Variants in MRTFB observed in about 807,000 individuals in gnomAD.
MRTFB encodes the protein myocardin related transcription factor B, also known as myocardin-related transcription factor B.
A neutral mutation model predicts 104.2 loss-of-function variants in MRTFB; 29 were observed. The ratio of observed to expected loss-of-function variants is 0.28; its 90% CI spans 0.21 to 0.38. The LOEUF (loss-of-function observed/expected upper bound fraction) is 0.38, where lower values mean the gene tolerates loss of function less well. Among genes scored for constraint, MRTFB ranks in the 10% least tolerant of loss-of-function variants. The pLI is 1.00. For missense variants in MRTFB, 1,270 were observed against 1,341.6 expected (o/e 0.95, Z 0.83); for synonymous variants, 535 against 519.5 (o/e 1.03, Z -0.41).
chr16:14,139,126 A>G (rs1197176420), intron 2 of MRTFB, among the ~76,000 whole-genome samples: 1 of 152,226 alleles, frequency 6.6e-6, no homozygotes, highest in Non-Finnish European at 1.5e-5. Flanking sequence ...TATTAAGAAC[A>G]TACAAAATAG....
intron 3 of MRTFB, among the ~76,000 whole-genome samples, chr16:14,180,966 C>G (rs1368211451): frequency 1.3e-5 from 2 of 152,126 alleles, no homozygotes; most frequent in Non-Finnish European, 2.9e-5. Flanking sequence ...AATCTTATTA[C>G]CCTAGAAAGG....
chr16:14,202,683 T>C (rs747297538), intron 3 of MRTFB, among the ~76,000 whole-genome samples: 3 of 152,246 alleles, frequency 2.0e-5, no homozygotes, highest in Non-Finnish European at 2.9e-5. Context: ...TTTAAACATT[T>C]ATTTTTAAGA....
At chr16:14,248,899 T>G (rs765647310) in intron 12 of MRTFB, 27 bp from the exon 13 acceptor site, 1 of 1,608,290 alleles carries the variant, frequency 6.2e-7, no homozygotes, top group Admixed American at 1.7e-5. Flanking sequence ...ACAATTAAAT[T>G]GATGTTTTTT....
intron 8 of MRTFB, among the ~76,000 whole-genome samples, chr16:14,223,469 A>C (rs549862778): frequency 2.0e-5 from 3 of 152,174 alleles, no homozygotes; most frequent in African/African-American, 7.2e-5. Context: ...GAAAACATGG[A>C]CAACAAACTA....
In MRTFB at chr16:14,097,577, T is replaced by C. The variant is rs561395231; in HGVS notation, c.-64+18223T>C. Among the ~76,000 whole-genome samples, 30 of 152,360 alleles carry C rather than the reference T, an allele frequency of 2.0e-4. No homozygotes were observed. The South Asian group carries it at 2.3e-3, about 12-fold the overall frequency. ...ACTGTTCTTTTTGTAAACAGCTTTA[T>C]TGAGGTATAATTGGCATCCAGTAAA... On this transcript the variant is annotated intron_variant, in intron 2 of 16. Coordinates refer to ENST00000571589, the MANE Select transcript of MRTFB (RefSeq NM_001308142.2).
At chr16:14,018,147 A>G in the MRTFB span, among the ~76,000 whole-genome samples, 14 of 152,128 alleles carry the variant, frequency 9.2e-5, no homozygotes, top group African/African-American at 3.4e-4. Flanking sequence ...CTCTAGGATA[A>G]TAACCCCTCT....
intron 2 of MRTFB, among the ~76,000 whole-genome samples, chr16:14,100,248 C>G (rs1279872916): frequency 6.6e-6 from 1 of 152,136 alleles, no homozygotes; most frequent in Non-Finnish European, 1.5e-5. Flanking sequence ...TTATTGTGGA[C>G]TCCTTTATCA....
At chr16:14,139,217 A>G (rs1252939486) in intron 2 of MRTFB, among the ~76,000 whole-genome samples, 1 of 152,224 alleles carries the variant, frequency 6.6e-6, no homozygotes, top group Non-Finnish European at 1.5e-5. Flanking sequence ...TGAAAACTCA[A>G]TAATAAGAAA....
At chr16:14,127,930 T>TATATATATATATATATATA (rs1491428460) in intron 2 of MRTFB, among the ~76,000 whole-genome samples, 4 of 31,662 alleles carry the variant, frequency 1.3e-4, no homozygotes, top group African/African-American at 5.4e-4. Flanking sequence ...TATATATATA[T>TATATATATATATATATATA]TTTTTTTTTT....
chr16:14,173,034 A>T (rs189430789), intron 3 of MRTFB, among the ~76,000 whole-genome samples: 11 of 152,094 alleles, frequency 7.2e-5, no homozygotes, highest in African/African-American at 2.2e-4. Flanking sequence ...AATCCCATCA[A>T]TATTTATTCA....
chr16:14,040,975 G>A, the MRTFB span, among the ~76,000 whole-genome samples: 1 of 151,990 alleles, frequency 6.6e-6, no homozygotes, highest in Non-Finnish European at 1.5e-5. Flanking sequence ...CAAATAAAAT[G>A]AAATAAAATT....
chr16:14,034,064 G>C, the MRTFB span, among the ~76,000 whole-genome samples: 1 of 152,146 alleles, frequency 6.6e-6, no homozygotes, highest in East Asian at 1.9e-4. Context: ...AGAGCTCCTA[G>C]GGCTCTGCTA....
chr16:14,121,614 T>G (rs2036848531), intron 2 of MRTFB, among the ~76,000 whole-genome samples: 1 of 152,240 alleles, frequency 6.6e-6, no homozygotes, highest in African/African-American at 2.4e-5. Context: ...TAAAAAGAGT[T>G]GCAGAATGAG....
chr16:14,154,662 A>G (rs981293592), intron 3 of MRTFB, among the ~76,000 whole-genome samples: 3 of 152,228 alleles, frequency 2.0e-5, no homozygotes, highest in African/African-American at 7.2e-5. Context: ...CCTCTGCCTC[A>G]GAGTCTCTCA....
the MRTFB span, among the ~76,000 whole-genome samples, chr16:14,012,287 T>TTCTC: frequency 5.8e-5 from 8 of 137,318 alleles, no homozygotes; most frequent in African/African-American, 2.3e-4. Context: ...GACATTTTCT[T>TTCTC]TTTCTTTCTT....
At chr16:14,200,985 T>G in intron 3 of MRTFB, 1 of 1,444,992 alleles carries the variant, frequency 6.9e-7, no homozygotes, top group Non-Finnish European at 9.7e-7. Context: ...GAGAGAAAGC[T>G]TATGTGCTTT....
At chr16:14,069,730 A>G (rs962787432), upstream of MRTFB, among the ~76,000 whole-genome samples, 1 of 152,006 alleles carries the variant, frequency 6.6e-6, no homozygotes, top group Non-Finnish European at 1.5e-5. Flanking sequence ...GATCCTCCTG[A>G]CTGGACCTCC....
At chr16:14,045,827 C>T in the MRTFB span, among the ~76,000 whole-genome samples, 1 of 152,152 alleles carries the variant, frequency 6.6e-6, no homozygotes, top group South Asian at 2.1e-4. Context: ...TGCCTGTGCC[C>T]TCTGGTGCCA....
intron 6 of MRTFB, 82 bp downstream of exon 6, chr16:14,213,702 T>C: frequency 9.3e-7 from 1 of 1,076,632 alleles, no homozygotes; most frequent in Non-Finnish European, 1.3e-6. Context: ...TTTATTCCCA[T>C]TTTAATAACT....
Sources: gnomAD v4.1 joint callset for allele counts (sites outside exome capture counted in the v4.1 genomes callset) on GRCh38, gnomAD v4.1.1 for gene constraint, MANE v1.5 for transcripts, NCBI Gene and HGNC (gene_info 2026-07-23, HGNC 2026-07-21) for gene names.